Variants in LRMDA observed in about 807,000 individuals in gnomAD.
LRMDA encodes leucine rich melanocyte differentiation associated, also known as leucine-rich melanocyte differentiation-associated protein.
A neutral mutation model predicts 29.8 loss-of-function variants in LRMDA; 18 were observed. The observed-to-expected ratio is 0.60, with a 90% CI of 0.42 to 0.90. The LOEUF (loss-of-function observed/expected upper bound fraction) is 0.90, where lower values mean the gene tolerates loss of function less well. Among genes scored for constraint, LRMDA ranks in the 40% least tolerant of loss-of-function variants. LRMDA has a pLI of 0.00. For missense variants in LRMDA, 273 were observed against 273.9 expected (o/e 1.00, Z 0.02); for synonymous variants, 125 against 109.4 (o/e 1.14, Z -0.89).
At chr10:76,341,957 A>C (rs1358299468) in intron 6 of LRMDA, among the ~76,000 whole-genome samples, 2 of 152,194 alleles carry the variant, frequency 1.3e-5, no homozygotes, top group Admixed American at 6.5e-5. Flanking sequence ...CCTGCTGCTC[A>C]TGTTCAAGGG....
At chr10:75,518,689 G>A (rs1246976072) in intron 2 of LRMDA, among the ~76,000 whole-genome samples, 1 of 151,998 alleles carries the variant, frequency 6.6e-6, no homozygotes, top group African/African-American at 2.4e-5. Context: ...AGTTTTTTGT[G>A]TCTCTATCTC....
chr10:75,453,458 A>G (rs1012480898), intron 2 of LRMDA, among the ~76,000 whole-genome samples: 1 of 152,236 alleles, frequency 6.6e-6, no homozygotes, highest in African/African-American at 2.4e-5. Context: ...CCGTACTGCT[A>G]AAGAAATGAA....
At chr10:75,431,790 C>T (rs1844201009) in intron 1 of LRMDA, 36 bp downstream of exon 1, 1 of 1,339,368 alleles carries the variant, frequency 7.5e-7, no homozygotes, top group African/African-American at 1.5e-5. Flanking sequence ...GCCCGGGGCG[C>T]AGTCCGCGTG....
At chr10:75,558,728 GTGTCCA>G (rs545122470) in intron 2 of LRMDA, among the ~76,000 whole-genome samples, 1,735 of 148,282 alleles carry the variant, frequency 0.012, 36 homozygotes, top group African/African-American at 0.041. Context: ...TCCCCTTCCT[GTGTCCA>G]TGTGTTCTCA....
At chr10:75,608,897 G>A (rs1840993489) in intron 2 of LRMDA, among the ~76,000 whole-genome samples, 1 of 152,118 alleles carries the variant, frequency 6.6e-6, no homozygotes, top group Non-Finnish European at 1.5e-5. Context: ...TCTTGATCAA[G>A]GGCCACATTC....
intron 3 of LRMDA, among the ~76,000 whole-genome samples, chr10:76,042,206 G>A (rs778121979): frequency 1.3e-5 from 2 of 152,192 alleles, no homozygotes; most frequent in Non-Finnish European, 2.9e-5. Flanking sequence ...CATGCAGGGA[G>A]GAGGTGCTAG....
At chr10:75,681,801 G>C (rs958152802) in intron 2 of LRMDA, among the ~76,000 whole-genome samples, 1 of 152,208 alleles carries the variant, frequency 6.6e-6, no homozygotes, top group African/African-American at 2.4e-5. Flanking sequence ...GGGCCTTCTG[G>C]CCCTGTAACT....
chr10:75,779,204 ACT>A (rs761127490), intron 2 of LRMDA, among the ~76,000 whole-genome samples: 1 of 152,160 alleles, frequency 6.6e-6, no homozygotes, highest in Non-Finnish European at 1.5e-5. Context: ...GACACTAGCT[ACT>A]GTTTTTCTCA....
intron 2 of LRMDA, among the ~76,000 whole-genome samples, chr10:75,638,865 C>T (rs1392069722): frequency 1.3e-5 from 2 of 152,078 alleles, no homozygotes; most frequent in Non-Finnish European, 1.5e-5. Context: ...AGAGTAGATG[C>T]TGGATATAGC....
chr10:75,964,336 G>A (rs1846819905), intron 2 of LRMDA, among the ~76,000 whole-genome samples: 1 of 152,102 alleles, frequency 6.6e-6, no homozygotes, highest in South Asian at 2.1e-4. Context: ...GACAGATTGG[G>A]GGGTCAAGGT....
At chr10:75,746,601 A>G (rs1842893906) in intron 2 of LRMDA, among the ~76,000 whole-genome samples, 1 of 152,210 alleles carries the variant, frequency 6.6e-6, no homozygotes, top group East Asian at 1.9e-4. Flanking sequence ...TCATTGTTTA[A>G]TGAATTCCTA....
At chr10:76,212,613 A>G (rs1468492639) in intron 5 of LRMDA, among the ~76,000 whole-genome samples, 1 of 152,238 alleles carries the variant, frequency 6.6e-6, no homozygotes, top group East Asian at 1.9e-4. Flanking sequence ...CAAAAGGCAA[A>G]GAAGCTTCAT....
intron 2 of LRMDA, among the ~76,000 whole-genome samples, chr10:76,022,313 T>C (rs1847987281): frequency 6.6e-6 from 1 of 152,088 alleles, no homozygotes; most frequent in Non-Finnish European, 1.5e-5. Flanking sequence ...TAACCCCACA[T>C]TTTGCATACG....
chr10:76,206,937 T>G (rs916036451), intron 5 of LRMDA, among the ~76,000 whole-genome samples: 37 of 152,242 alleles, frequency 2.4e-4, no homozygotes, highest in Admixed American at 1.4e-3. Context: ...AACTGCTTTG[T>G]GCACATCATC....
chr10:76,369,151 T>C (rs1841425218), intron 6 of LRMDA, among the ~76,000 whole-genome samples: 1 of 152,216 alleles, frequency 6.6e-6, no homozygotes, highest in African/African-American at 2.4e-5. Flanking sequence ...TGCTCTTTGT[T>C]GCCCATGTAC....
At chr10:75,444,045 T>C (rs1222961146) in intron 2 of LRMDA, among the ~76,000 whole-genome samples, 1 of 152,232 alleles carries the variant, frequency 6.6e-6, no homozygotes, top group Non-Finnish European at 1.5e-5. Context: ...ATAAAAGAGA[T>C]AGTTCTGCTG....
chr10:75,965,836 T>C (rs1846849885), intron 2 of LRMDA, among the ~76,000 whole-genome samples: 2 of 152,204 alleles, frequency 1.3e-5, no homozygotes, highest in Non-Finnish European at 2.9e-5. Context: ...ACCTGAGCTA[T>C]GGTGCCCAAT....
At chr10:75,657,015 A>C (rs1266737429) in intron 2 of LRMDA, among the ~76,000 whole-genome samples, 10 of 152,220 alleles carry the variant, frequency 6.6e-5, no homozygotes, top group Admixed American at 5.9e-4. Context: ...AAATGGAGGC[A>C]TAGGCTTGAG....
intron 6 of LRMDA, among the ~76,000 whole-genome samples, chr10:76,540,508 C>T (rs1405503685): frequency 3.3e-5 from 5 of 152,282 alleles, no homozygotes; most frequent in South Asian, 2.1e-4. Flanking sequence ...AACCAGAGCA[C>T]GGAAAGAACA....
Sources: allele counts gnomAD v4.1 joint callset (sites outside exome capture counted in the v4.1 genomes callset), GRCh38; gene constraint gnomAD v4.1.1; transcripts MANE v1.5; gene names NCBI Gene and HGNC (gene_info 2026-07-23, HGNC 2026-07-21).